The following LTO1 variants were observed in gnomAD, a reference collection of about 807,000 sequenced individuals.
The protein encoded by LTO1 is protein LTO1 homolog.
LTO1 carries 18 observed loss-of-function variants against 19.8 expected under a neutral mutation model. The observed-to-expected ratio is 0.91, with a 90% CI of 0.63 to 1.35. LTO1 has a LOEUF of 1.35. Ranked by LOEUF, LTO1 falls within the 40% of genes most tolerant of loss-of-function variation. The pLI, the probability that LTO1 is intolerant of heterozygous loss-of-function variation, is 0.00. For missense variants in LTO1, 175 were observed against 167.9 expected (o/e 1.04, Z -0.23); for synonymous variants, 59 against 59.6 (o/e 0.99, Z 0.05).
In LTO1 at chr11:69,669,909, TG is replaced by T. The variant is rs1856084762; in HGVS notation, c.227+1839del. Among the ~76,000 whole-genome samples, 4 of 152,272 alleles carry T rather than the reference TG, an allele frequency of 2.6e-5. No homozygotes were observed. The South Asian group carries it at 6.2e-4, about 24-fold the overall frequency. ...GGTGTTACAATGCCCAGCATTTTGC[TG>T]AATGACAATGCGGTGGCAGGTGTTT... On this transcript the variant is annotated intron_variant, in intron 3 of 4. Transcript: ENST00000279147.
At chr11:69,667,658 C>T in intron 4 of LTO1, 71 bp from the exon 5 acceptor site, 3 of 1,098,960 alleles carry the variant, frequency 2.7e-6, no homozygotes, top group Non-Finnish European at 4.2e-6. Context: ...ATAACTCTAT[C>T]TCTAGCTATA....
intron 3 of LTO1, among the ~76,000 whole-genome samples, chr11:69,669,360 G>T (rs912553323): frequency 6.6e-6 from 1 of 152,212 alleles, no homozygotes; most frequent in Non-Finnish European, 1.5e-5. Context: ...AAGACCTCCT[G>T]TGTACTTGCA....
rs1413140455 is a variant in LTO1 at position 69,667,976 on chromosome 11, C to G, written c.264G>C (p.Met88Ile). ...KMKVLESLIG[M>I]IQKFPYDDPT... ...GGTCATCATAAGGGAATTTCTGGAT[C>G]ATTCCAATCAATGATTCTAAGACCT... is the stretch of plus-strand genomic sequence containing the variant. The change falls in exon 4 of 5, where the codon ATG becomes ATC. Residue 88 changes from methionine (M) to isoleucine (I), a missense_variant. Transcript: ENST00000279147. 1 of 1,584,400 alleles carries G rather than the reference C, an allele frequency of 6.3e-7. No individual in the cohort carries two copies.
At position 69,673,422 on chromosome 11, in the gene LTO1, C is replaced by T. The variant is rs117056416; in HGVS notation, c.51-101G>A. 21,188 of 769,848 alleles carry T rather than the reference C, an allele frequency of 0.028. 441 individuals carry two copies. The highest frequency in any genetic ancestry group is 0.034 in the Non-Finnish European group (15,297 of 448,028). 47.7% of individuals were successfully genotyped at this position (769,848 alleles called of 1,614,324 possible). On this transcript the variant is annotated intron_variant, in intron 1 of 4. Coordinates refer to ENST00000279147, the MANE Select transcript of LTO1 (RefSeq NM_153451.3). The stretch of plus-strand genomic sequence containing the variant: ...ATTACCCGGACCCAGTAAGACAAAC[C>T]AGAGTAAAGGAGGAAAAGCCTAAAA...
chr11:69,675,143 G>A (rs767379140), intron 1 of LTO1, 47 bp downstream of exon 1: 31 of 1,566,714 alleles, frequency 2.0e-5, no homozygotes, highest in South Asian at 4.5e-5. Context: ...GAAGCCGCTG[G>A]GAGACGACCA....
intron 3 of LTO1, 76 bp from the exon 4 acceptor site, chr11:69,668,088 G>T: frequency 1.3e-6 from 1 of 748,762 alleles, no homozygotes; most frequent in Admixed American, 2.0e-5. Flanking sequence ...TATGCTGCTG[G>T]CTTCCTGAAA....
Position 69,667,421 on chromosome 11 carries a change from A to G in LTO1, c.*98T>C, listed in dbSNP as rs1856048162. On this transcript the variant is annotated 3_prime_UTR_variant, in exon 5 of 5. Transcript: ENST00000279147. Reference sequence around the variant, plus strand: ...CGGAACCCTCACCCTCCCAATGAACAACTGCCTTCCCAGCACCGTCTGGCC... The same window carrying G: ...CGGAACCCTCACCCTCCCAATGAACGACTGCCTTCCCAGCACCGTCTGGCC... The G allele has an allele frequency of 2.4e-6, 2 of 831,262 alleles. No individual in the cohort carries two copies. Among genetic ancestry groups the G allele is most frequent in the South Asian group, 2.9e-5 (2 of 69,080 alleles). 51.5% of individuals were successfully genotyped at this position (831,262 alleles called of 1,614,324 possible). A position where few individuals can be genotyped will look rare whatever the true frequency, so the allele number is the denominator to read the frequency against.
In LTO1 at chr11:69,675,255, G is replaced by A. The variant is rs761212504; in HGVS notation, c.-16C>T. On this transcript the variant is annotated 5_prime_UTR_variant, in exon 1 of 5. Transcript: ENST00000279147. ...TGCCAGCCATAGCGGCAAGCAGCCC[G>A]CCCTTGGCCCCCGGGTTTCTGCAGC... The A allele has an allele frequency of 7.1e-5, 105 of 1,486,132 alleles. 3 individuals are homozygous for A. In the South Asian group the frequency reaches 1.4e-3, roughly 20 times the overall value. 92.1% of individuals were successfully genotyped at this position (1,486,132 alleles called of 1,614,324 possible).
At chr11:69,667,698 A>T in intron 4 of LTO1, 111 bp from the exon 5 acceptor site, 1 of 810,008 alleles carries the variant, frequency 1.2e-6, no homozygotes, top group Non-Finnish European at 2.1e-6. Context: ...CCAGCCCATA[A>T]ATGAGTTCTA....
At chr11:69,668,889 G>A (rs1302098259) in intron 3 of LTO1, among the ~76,000 whole-genome samples, 6 of 151,978 alleles carry the variant, frequency 3.9e-5, no homozygotes, top group South Asian at 2.1e-4. Context: ...TTAGATGGGC[G>A]TGATAGTGTG....
Position 69,667,504 on chromosome 11 carries a change from G to A in LTO1, c.*15C>T. The A allele has an allele frequency of 6.4e-7, 1 of 1,564,668 alleles. No individual in the cohort carries two copies. Among genetic ancestry groups the A allele is most frequent in the Non-Finnish European group, 8.8e-7 (1 of 1,134,834 alleles). On this transcript the variant is annotated 3_prime_UTR_variant, in exon 5 of 5. Transcript: ENST00000279147. ...ATCTGTTCCTCGACGTTCGGTCTCT[G>A]TTCATCCATCCTCCTCAAAATGAAA...
chr11:69,674,108 C>T (rs572074332), intron 1 of LTO1, among the ~76,000 whole-genome samples: 134 of 152,260 alleles, frequency 8.8e-4, no homozygotes, highest in African/African-American at 3.2e-3. Flanking sequence ...CCGCCTCGGC[C>T]TCCCAAAGTG....
chr11:69,672,051 C>G, intron 2 of LTO1: 1 of 504,670 alleles, frequency 2.0e-6, no homozygotes, highest in Non-Finnish European at 3.6e-6. Flanking sequence ...ATGCCCTGTG[C>G]AGGTCCCTCG....
In LTO1 at chr11:69,667,301, G is replaced by A; in HGVS notation, c.*218C>T. ...GAGGGCTCTGCCAGGGACGGCTTCAGCCCAACAAAGGGCATGTGTGGCGAG... is the reference window on the plus strand; with the variant it reads ...GAGGGCTCTGCCAGGGACGGCTTCAACCCAACAAAGGGCATGTGTGGCGAG... On this transcript the variant is annotated 3_prime_UTR_variant, in exon 5 of 5. Transcript: ENST00000279147. 1 of 580,076 alleles carries A rather than the reference G, an allele frequency of 1.7e-6. No individual in the cohort carries two copies. The highest frequency in any genetic ancestry group is 3.1e-6 in the Non-Finnish European group (1 of 327,614). 35.9% of individuals were successfully genotyped at this position (580,076 alleles called of 1,614,324 possible). A position where few individuals can be genotyped will look rare whatever the true frequency, so the allele number is the denominator to read the frequency against.
intron 2 of LTO1, chr11:69,672,909 T>A: frequency 2.6e-6 from 1 of 385,966 alleles, no homozygotes; most frequent in South Asian, 2.1e-5. Flanking sequence ...TTCAAGCGAG[T>A]CTCATACCTC....
chr11:69,674,964 G>A (rs1565080820), intron 1 of LTO1: 2 of 692,930 alleles, frequency 2.9e-6, no homozygotes, highest in Non-Finnish European at 5.3e-6. Flanking sequence ...CAGGGAAGGC[G>A]GGTCTGGAAG....
Position 69,673,203 on chromosome 11 carries a change from G to A in LTO1, c.156+13C>T. ...TGAAGAGGCTTCATCTCCAGATGGG[G>A]GTTCCCACTTACCTCAGACCCGATT... On this transcript the variant is annotated intron_variant, in intron 2 of 4. Coordinates refer to ENST00000279147, the MANE Select transcript of LTO1 (RefSeq NM_153451.3). 7.1e-7 allele frequency: 1 copy of A among 1,407,950 alleles called. No individual in the cohort carries two copies. The highest frequency in any genetic ancestry group is 1.0e-6 in the Non-Finnish European group (1 of 991,546). The allele number at this position is 1,407,950 out of a possible 1,614,324, so 87.2% of individuals were successfully genotyped here.
chr11:69,672,019 C>T (rs1361463573), intron 2 of LTO1, 200 bp from the exon 3 acceptor site: 1 of 557,738 alleles, frequency 1.8e-6, no homozygotes, highest in African/African-American at 1.9e-5. Context: ...CCAGATGCCC[C>T]AGTCCTCATC....
chr11:69,671,823 T>G lies in LTO1; in HGVS notation c.157-4A>C, dbSNP rs142367375. 11,711 of 1,554,730 alleles carry G rather than the reference T, an allele frequency of 7.5e-3. 60 individuals are homozygous for G. Among genetic ancestry groups the G allele is most frequent in the South Asian group, 0.013 (1,189 of 89,864 alleles). On this transcript the variant is annotated splice_polypyrimidine_tract_variant and splice_region_variant and intron_variant, in intron 2 of 4. Coordinates refer to ENST00000279147, the MANE Select transcript of LTO1 (RefSeq NM_153451.3). ...CAAAACCTTGGTAGCACCCGATCTG[T>G]GAATGTGAAAAATATTTAAGAGTGA...
Sources: allele counts gnomAD v4.1 joint callset (sites outside exome capture counted in the v4.1 genomes callset), GRCh38; gene constraint gnomAD v4.1.1; transcripts MANE v1.5; gene names NCBI Gene and HGNC (gene_info 2026-07-23, HGNC 2026-07-21).